The following MYO7A variants were observed in gnomAD, a reference collection of about 807,000 sequenced individuals.
MYO7A encodes the protein unconventional myosin-VIIa.
In MYO7A, 210 loss-of-function variants were observed where a neutral mutation model predicts 263.8. The ratio of observed to expected loss-of-function variants is 0.80; its 90% CI spans 0.71 to 0.89. The LOEUF (loss-of-function observed/expected upper bound fraction) is 0.89, where lower values mean the gene tolerates loss of function less well. Among genes scored for constraint, MYO7A ranks in the 40% least tolerant of loss-of-function variants. The pLI, the probability that MYO7A is intolerant of heterozygous loss-of-function variation, is 0.00. For missense variants in MYO7A, 2,820 were observed against 2,968.3 expected (o/e 0.95, Z 1.16); for synonymous variants, 1,239 against 1,197.3 (o/e 1.03, Z -0.72).
At chr11:77,143,980 T>C (rs1323009076) in intron 3 of MYO7A, among the ~76,000 whole-genome samples, 4 of 152,112 alleles carry the variant, frequency 2.6e-5, no homozygotes, top group Non-Finnish European at 4.4e-5. Context: ...TGGACTCTCA[T>C]GGCATCTGTG....
At position 77,182,598 on chromosome 11, in the gene MYO7A, G is replaced by A. The variant is rs199810429; in HGVS notation, c.3283G>A (p.Glu1095Lys). The change falls in exon 25 of 49, where the codon GAG (glutamate) becomes AAG (lysine). Residue 1095 changes from glutamate to lysine, a missense_variant and splice_region_variant. Transcript: ENST00000409709. The part of the protein sequence containing the change: ...RELQALQGEG[E>K]AQLPEGQKKS... The stretch of plus-strand genomic sequence containing the variant: ...GCTGCAGGCCCTGCAGGGCGAGGGC[G>A]AGGTGAGGCCAAGGTGCCCTCTGGA... 5.6e-4 allele frequency: 896 copies of A among 1,612,852 alleles called. No homozygotes were observed. Among genetic ancestry groups the A allele is most frequent in the Non-Finnish European group, 7.3e-4 (863 of 1,179,834 alleles).
intron 32 of MYO7A, among the ~76,000 whole-genome samples, chr11:77,194,834 T>C (rs1956516240): frequency 6.6e-6 from 1 of 152,120 alleles, no homozygotes. Flanking sequence ...CGGTGGATGC[T>C]AGACAGAGCT....
chr11:77,152,736 G>A (rs548100550), intron 4 of MYO7A, among the ~76,000 whole-genome samples: 3 of 152,196 alleles, frequency 2.0e-5, no homozygotes, highest in Admixed American at 2.0e-4. Context: ...CTTGAACGGG[G>A]ACTGTAGAGG....
At position 77,211,708 on chromosome 11, in the gene MYO7A, G is replaced by A. The variant is rs143484885; in HGVS notation, c.6238-113G>A. On this transcript the variant is annotated intron_variant, in intron 45 of 48. Transcript: ENST00000409709. Reference sequence around the variant, plus strand: ...TAGTCCTGGCCCTGAGGGTGCAGACGGGGCTGGAGTGGGCAGGGGTGGTGT... The same window carrying A: ...TAGTCCTGGCCCTGAGGGTGCAGACAGGGCTGGAGTGGGCAGGGGTGGTGT... The A allele has an allele frequency of 4.0e-4, 307 of 770,074 alleles. 3 individuals carry two copies. Among genetic ancestry groups the A allele is most frequent in the South Asian group, 2.6e-3 (165 of 64,634 alleles). 47.7% of individuals were successfully genotyped at this position (770,074 alleles called of 1,614,324 possible).
In MYO7A at chr11:77,166,087, T is replaced by A; in HGVS notation, c.1722T>A (p.His574Gln). 1 of 1,613,820 alleles carries A rather than the reference T, an allele frequency of 6.2e-7. No individual in the cohort carries two copies. The highest frequency in any genetic ancestry group is 8.5e-7 in the Non-Finnish European group (1 of 1,179,850). ...GFLEKNRDTL[H>Q]GDIIQLVHSS... ...TGGAGAAGAACCGAGACACCCTGCA[T>A]GGGGACATTATCCAGCTGGTCCACT... Residue 574 changes from histidine (H) to glutamine (Q), a missense_variant, in exon 15 of 49, where the codon CAT becomes CAA. By Grantham distance (24) the His-to-Gln change is conservative. Coordinates refer to ENST00000409709, the MANE Select transcript of MYO7A (RefSeq NM_000260.4).
intron 3 of MYO7A, 37 bp from the exon 4 acceptor site, chr11:77,147,761 C>A (rs1951677354): frequency 7.5e-6 from 12 of 1,601,612 alleles, no homozygotes; most frequent in African/African-American, 1.3e-5. Flanking sequence ...GCAGCCTGGG[C>A]CCCAGGAGAG....
chr11:77,176,999 T>C (rs1268877681), intron 18 of MYO7A, among the ~76,000 whole-genome samples: 1 of 152,152 alleles, frequency 6.6e-6, no homozygotes, highest in Admixed American at 6.5e-5. Context: ...ATGGGTGGCC[T>C]TGAATGCCAG....
At chr11:77,187,803 A>T (rs1342251583) in intron 27 of MYO7A, among the ~76,000 whole-genome samples, 2 of 152,190 alleles carry the variant, frequency 1.3e-5, no homozygotes, top group Non-Finnish European at 2.9e-5. Flanking sequence ...GGACAGCAGG[A>T]TGAGGCAGGG....
At position 77,156,973 on chromosome 11, in the gene MYO7A, A is replaced by T; in HGVS notation, c.704A>T (p.Tyr235Phe). Residue 235 changes from tyrosine to phenylalanine, a missense_variant, in exon 7 of 49, where the codon TAC becomes TTC. Coordinates refer to ENST00000409709, the MANE Select transcript of MYO7A (RefSeq NM_000260.4). ...ATCGAGGGCGCGAAGATTGAGCAGT[A>T]CCTGCTGGAAAAGTCACGTGTCTGT... Reference protein sequence around the residue: ...GAIEGAKIEQYLLEKSRVCRQ... With the variant: ...GAIEGAKIEQFLLEKSRVCRQ... 6.2e-7 allele frequency: 1 copy of T among 1,613,832 alleles called. No individual in the cohort carries two copies. Among genetic ancestry groups the T allele is most frequent in the Non-Finnish European group, 8.5e-7 (1 of 1,179,860 alleles).
chr11:77,190,928 G>A (rs913964235), intron 30 of MYO7A, 58 bp downstream of exon 30: 40 of 1,464,278 alleles, frequency 2.7e-5, no homozygotes, highest in Non-Finnish European at 3.6e-5. Flanking sequence ...CCCACTCCGG[G>A]CTGCCAGTGC....
rs1951012415 is a variant in MYO7A at position 77,138,559 on chromosome 11, C to A, written c.19-4150C>A. On this transcript the variant is annotated intron_variant, in intron 2 of 48. Transcript: ENST00000409709. The surrounding 1 kb of genome is among the most constrained non-coding windows in gnomAD (Gnocchi z 4.9). The stretch of plus-strand genomic sequence containing the variant: ...GTGCATGGACTGCGGCCCTAGGATG[C>A]CACCTGCGGTCTCTGACCTCCCCCA... Among the ~76,000 whole-genome samples the A allele has an allele frequency of 6.6e-6, 1 of 152,200 alleles. No individual in the cohort carries two copies. Among genetic ancestry groups the A allele is most frequent in the Non-Finnish European group, 1.5e-5 (1 of 68,018 alleles).
chr11:77,207,999 C>T (rs1244733818), intron 42 of MYO7A, among the ~76,000 whole-genome samples: 1 of 152,200 alleles, frequency 6.6e-6, no homozygotes, highest in Non-Finnish European at 1.5e-5. Context: ...CTGCTGATGG[C>T]TCTGTGTGCC....
At position 77,175,417 on chromosome 11, in the gene MYO7A, G is replaced by C. The variant is rs782150387; in HGVS notation, c.2140G>C (p.Gly714Arg). Residue 714 changes from glycine to arginine, a missense_variant, in exon 18 of 49, where the codon GGC becomes CGC. Transcript: ENST00000409709. ...TCQRMAEAVL[G>R]THDDWQIGKT... Reference sequence around the variant, plus strand: ...CCAGCGCATGGCTGAGGCTGTGCTGGGCACCCACGATGACTGGCAGATAGG... The same window carrying C: ...CCAGCGCATGGCTGAGGCTGTGCTGCGCACCCACGATGACTGGCAGATAGG... The C allele has an allele frequency of 6.2e-7, 1 of 1,613,356 alleles. No homozygotes were observed. The highest frequency in any genetic ancestry group is 2.2e-5 in the East Asian group (1 of 44,876).
intron 17 of MYO7A, among the ~76,000 whole-genome samples, 191 bp downstream of exon 17, chr11:77,175,105 G>A (rs1329618558): frequency 6.6e-6 from 1 of 152,202 alleles, no homozygotes; most frequent in Non-Finnish European, 1.5e-5. Context: ...AGCTGGTGAG[G>A]ACTTCACACA....
At chr11:77,193,130 G>A (rs528802098) in intron 31 of MYO7A, among the ~76,000 whole-genome samples, 1 of 143,132 alleles carries the variant, frequency 7.0e-6, no homozygotes, top group South Asian at 2.2e-4. Flanking sequence ...TGGAGGTAGC[G>A]ATGCTGTTGG....
rs147468060 is a variant in MYO7A at position 77,163,068 on chromosome 11, C to G, written c.1690+80C>G. 10 of 1,489,070 alleles carry G rather than the reference C, an allele frequency of 6.7e-6. No homozygotes were observed. The Admixed American group carries it at 1.8e-4, about 27-fold the overall frequency. 92.2% of individuals were successfully genotyped at this position (1,489,070 alleles called of 1,614,324 possible). A position where few individuals can be genotyped will look rare whatever the true frequency, so the allele number is the denominator to read the frequency against. ...TGCTCCAGCCCAGGAATAAGATATC[C>G]GGAATTTTAAAGATTTTTAAAAATT... On this transcript the variant is annotated intron_variant, in intron 14 of 48. Coordinates refer to ENST00000409709, the MANE Select transcript of MYO7A (RefSeq NM_000260.4).
At chr11:77,157,640 G>A (rs1385134574) in intron 8 of MYO7A, among the ~76,000 whole-genome samples, 1 of 152,206 alleles carries the variant, frequency 6.6e-6, no homozygotes, top group African/African-American at 2.4e-5. Flanking sequence ...GCCATGGGGA[G>A]AGCCCATGTC....
intron 42 of MYO7A, among the ~76,000 whole-genome samples, 185 bp from the exon 43 acceptor site, chr11:77,208,245 A>G (rs1957594412): frequency 6.6e-6 from 1 of 152,176 alleles, no homozygotes; most frequent in African/African-American, 2.4e-5. Context: ...CCCGGCAAGA[A>G]GTGGGCTCTT....
Position 77,203,152 on chromosome 11 carries a change from A to C in MYO7A, c.5261A>C (p.Gln1754Pro). ...AGCCACACGCGGGAACCGCTCAAGC[A>C]GGCGCTGCTCAAGAAGCTCCTGGGC... ...LWSHTREPLK[Q>P]ALLKKLLGSE... The change falls in exon 38 of 49, where the codon CAG (glutamine) becomes CCG (proline). Residue 1754 changes from glutamine to proline, a missense_variant. Physicochemically the swap from Gln to Pro is moderately conservative, Grantham distance 76. Transcript: ENST00000409709. 1 of 1,551,128 alleles carries C rather than the reference A, an allele frequency of 6.4e-7. No individual in the cohort carries two copies. The highest frequency in any genetic ancestry group is 8.7e-7 in the Non-Finnish European group (1 of 1,148,080).
Sources: gnomAD v4.1 joint callset for allele counts (sites outside exome capture counted in the v4.1 genomes callset) on GRCh38, gnomAD v4.1.1 for gene constraint, Gnocchi (gnomAD v3.1) non-coding constraint, MANE v1.5 for transcripts, NCBI Gene and HGNC (gene_info 2026-07-23, HGNC 2026-07-21) for gene names.